AADACL3: variants seen among roughly 807,000 people sequenced by gnomAD.
AADACL3 encodes arylacetamide deacetylase-like 3.
AADACL3 carries 13 observed loss-of-function variants against 13.6 expected under a neutral mutation model. The ratio of observed to expected loss-of-function variants is 0.95; its 90% CI spans 0.62 to 1.52. AADACL3 has a LOEUF of 1.52. AADACL3 is among the 40% of genes most tolerant of loss of function. AADACL3 has a pLI of 0.00. For missense variants in AADACL3, 519 were observed against 499.2 expected, an observed-to-expected ratio of 1.04 and a Z score of -0.38; for synonymous variants, 195 against 197.0, an observed-to-expected ratio of 0.99 and a Z score of 0.08.
rs1223866588 is a variant in AADACL3, at chr1:12,725,373, G to A, written c.601G>A (p.Val201Met). ...GDSFGGAIAA[V>M]VCQQLVDRPD... ...CAGTTTCGGAGGGGCAATAGCCGCA[G>A]TGGTTTGTCAACAACTTGTGGACAG... Residue 201 changes from valine to methionine, a missense_variant, in exon 4 of 4, where the codon GTG becomes ATG. Coordinates refer to ENST00000359318, the MANE Select transcript of AADACL3 (RefSeq NM_001103170.3). 2 of 1,614,164 alleles carry A rather than the reference G, an allele frequency of 1.2e-6. No homozygotes were observed. The highest frequency in any genetic ancestry group is 1.7e-6 in the Non-Finnish European group (2 of 1,180,030).
intron 3 of AADACL3, among the ~76,000 whole-genome samples, chr1:12,722,465 T>C (rs1407191499): frequency 6.6e-6 from 1 of 152,022 alleles, no homozygotes; most frequent in Non-Finnish European, 1.5e-5. Context: ...GCCGGACACC[T>C]TGTCATTCTG....
At position 12,726,096 on chromosome 1, in the gene AADACL3, A is replaced by G; in HGVS notation, c.*100A>G. 1 of 1,364,660 alleles carries G rather than the reference A, an allele frequency of 7.3e-7. No homozygotes were observed. The highest frequency in any genetic ancestry group is 9.9e-7 in the Non-Finnish European group (1 of 1,009,272). The allele number at this position is 1,364,660 out of a possible 1,614,324, so 84.5% of individuals were successfully genotyped here. On this transcript the variant is annotated 3_prime_UTR_variant, in exon 4 of 4. Transcript: ENST00000359318. ...GATTTAGGTGGTGCATAGTGGGGCT[A>G]GGGAGGGGGTAGAGGTTGCTGTCAC...
At chr1:12,721,120 C>T (rs370389830) in intron 3 of AADACL3, among the ~76,000 whole-genome samples, 174 bp downstream of exon 3, 15 of 152,100 alleles carry the variant, frequency 9.9e-5, no homozygotes, top group African/African-American at 3.1e-4. Flanking sequence ...AAAAAGAAGG[C>T]GGCTGGGTGT....
chr1:12,724,686 A>G (rs199647517), intron 3 of AADACL3, among the ~76,000 whole-genome samples: 1 of 151,946 alleles, frequency 6.6e-6, no homozygotes, highest in East Asian at 1.9e-4. Flanking sequence ...GGGTCTCACC[A>G]TGTTGCCCAG....
chr1:12,722,638 C>G (rs1304789393), intron 3 of AADACL3, among the ~76,000 whole-genome samples: 1 of 151,432 alleles, frequency 6.6e-6, no homozygotes, highest in Non-Finnish European at 1.5e-5. Flanking sequence ...ATGGAAACAG[C>G]TGATGGAAGT....
chr1:12,719,797 G>GAAC, intron 2 of AADACL3, 106 bp downstream of exon 2: 17 of 1,181,564 alleles, frequency 1.4e-5, no homozygotes, highest in Non-Finnish European at 2.1e-5. Context: ...TATTATCAGG[G>GAAC]AACACCAGGG....
rs1308856013 is a variant in AADACL3 at position 12,726,295 on chromosome 1, T to A, written c.*299T>A. On this transcript the variant is annotated 3_prime_UTR_variant, in exon 4 of 4. Transcript: ENST00000359318. Reference sequence around the variant, plus strand: ...GGAGTGAATCAGCCGGTAAGAGCTGTTCTCAGCCTCCCTAAGGGGCAGTTC... The same window carrying A: ...GGAGTGAATCAGCCGGTAAGAGCTGATCTCAGCCTCCCTAAGGGGCAGTTC... The A allele has an allele frequency of 2.5e-6, 1 of 398,528 alleles. No homozygotes were observed. Among genetic ancestry groups the A allele is most frequent in the African/African-American group, 2.0e-5 (1 of 49,566 alleles). The allele number at this position is 398,528 out of a possible 1,614,324, so 24.7% of individuals were successfully genotyped here.
chr1:12,720,785 G>A lies in AADACL3; in HGVS notation c.386-98G>A, dbSNP rs549849868. On this transcript the variant is annotated intron_variant, in intron 2 of 3. Coordinates refer to ENST00000359318, the MANE Select transcript of AADACL3 (RefSeq NM_001103170.3). ...TGCTGGAGTAGAGGAAAACCTAGTC[G>A]GCATCGGCCCAAGTGCTGTGTCTGT... The A allele has an allele frequency of 1.0e-4, 104 of 1,006,410 alleles. No homozygotes were observed. In the African/African-American group the frequency reaches 1.5e-3, roughly 15 times the overall value. The allele number at this position is 1,006,410 out of a possible 1,614,324, so 62.3% of individuals were successfully genotyped here.
rs1638369221 is a variant in AADACL3, at chr1:12,726,289, G to A, written c.*293G>A. On this transcript the variant is annotated 3_prime_UTR_variant, in exon 4 of 4. Coordinates refer to ENST00000359318, the MANE Select transcript of AADACL3 (RefSeq NM_001103170.3). Reference sequence around the variant, plus strand: ...TTTGTGGGAGTGAATCAGCCGGTAAGAGCTGTTCTCAGCCTCCCTAAGGGG... The same window carrying A: ...TTTGTGGGAGTGAATCAGCCGGTAAAAGCTGTTCTCAGCCTCCCTAAGGGG... 2 of 416,876 alleles carry A rather than the reference G, an allele frequency of 4.8e-6. No homozygotes were observed. Among genetic ancestry groups the A allele is most frequent in the Non-Finnish European group, 8.6e-6 (2 of 231,810 alleles). The allele number at this position is 416,876 out of a possible 1,614,324, so 25.8% of individuals were successfully genotyped here. A position where few individuals can be genotyped will look rare whatever the true frequency, so the allele number is the denominator to read the frequency against.
At position 12,720,221 on chromosome 1, in the gene AADACL3, C is replaced by T. The variant is rs115075294; in HGVS notation, c.385+530C>T. On this transcript the variant is annotated intron_variant, in intron 2 of 3. Coordinates refer to ENST00000359318, the MANE Select transcript of AADACL3 (RefSeq NM_001103170.3). ...AATTTTACTGTCTTAGTTATTACCC[C>T]CAGGGAATTAGGGGAGAGGAAACAC... Among the ~76,000 whole-genome samples the T allele has an allele frequency of 6.7e-3, 1,018 of 152,124 alleles. 11 individuals carry two copies. The highest frequency in any genetic ancestry group is 0.024 in the African/African-American group (980 of 41,486).
Position 12,726,054 on chromosome 1 carries a change from C to T in AADACL3, c.*58C>T, listed in dbSNP as rs759511919. Reference sequence around the variant, plus strand: ...GATTCCACTGGCATCCAGCCTCCCACAGGGCTCTCTGTTGCTGATTTAGGT... The same window carrying T: ...GATTCCACTGGCATCCAGCCTCCCATAGGGCTCTCTGTTGCTGATTTAGGT... On this transcript the variant is annotated 3_prime_UTR_variant, in exon 4 of 4. Coordinates refer to ENST00000359318, the MANE Select transcript of AADACL3 (RefSeq NM_001103170.3). 2 of 1,542,556 alleles carry T rather than the reference C, an allele frequency of 1.3e-6. No individual in the cohort carries two copies. The highest frequency in any genetic ancestry group is 1.8e-6 in the Non-Finnish European group (2 of 1,142,488).
chr1:12,718,876 A>G (rs900851908), intron 1 of AADACL3, among the ~76,000 whole-genome samples: 3 of 152,168 alleles, frequency 2.0e-5, no homozygotes, highest in African/African-American at 7.2e-5. Context: ...TGTCACCATC[A>G]CTGACTCCTG....
Position 12,727,240 on chromosome 1 carries a change from A to T in AADACL3, c.*1244A>T, listed in dbSNP as rs565657584. ...TGGAATAATCTAACTCACCATTCCC[A>T]AGTCCTATGCCATCCTGAGAGTGGG... On this transcript the variant is annotated 3_prime_UTR_variant, in exon 4 of 4. Coordinates refer to ENST00000359318, the MANE Select transcript of AADACL3 (RefSeq NM_001103170.3). 6.6e-6 allele frequency: 1 copy of T among 152,330 alleles called. No homozygotes were observed. The highest frequency in any genetic ancestry group is 2.4e-5 in the African/African-American group (1 of 41,570). 9.4% of individuals were successfully genotyped at this position (152,330 alleles called of 1,614,324 possible).
intron 3 of AADACL3, among the ~76,000 whole-genome samples, chr1:12,722,464 C>T (rs1414792292): frequency 2.0e-5 from 3 of 152,036 alleles, no homozygotes; most frequent in Non-Finnish European, 4.4e-5. Flanking sequence ...TGCCGGACAC[C>T]TTGTCATTCT....
Position 12,725,903 on chromosome 1 carries a change from T to A in AADACL3, c.1131T>A (p.His377Gln). The part of the protein sequence containing the change: ...VTWHHMEDGF[H>Q]GVLRTIDMSF... ...GGCACCATATGGAGGATGGTTTCCA[T>A]GGAGTGCTCAGGACCATTGACATGA... is the stretch of plus-strand genomic sequence containing the variant. The change falls in exon 4 of 4, where the codon CAT (histidine) becomes CAA (glutamine). Residue 377 changes from histidine (H) to glutamine (Q), a missense_variant. Coordinates refer to ENST00000359318, the MANE Select transcript of AADACL3 (RefSeq NM_001103170.3). 6.2e-7 allele frequency: 1 copy of A among 1,614,166 alleles called. No homozygotes were observed. Among genetic ancestry groups the A allele is most frequent in the East Asian group, 2.2e-5 (1 of 44,882 alleles).
At chr1:12,719,418 T>C (rs747553258) in intron 1 of AADACL3, 57 bp from the exon 2 acceptor site, 98 of 1,538,680 alleles carry the variant, frequency 6.4e-5, no homozygotes, top group Non-Finnish European at 7.5e-5. Context: ...AAGGCCAGAC[T>C]CCAGATGGCC....
chr1:12,716,491 A>G (rs1046218413), intron 1 of AADACL3, 147 bp downstream of exon 1: 8 of 1,177,888 alleles, frequency 6.8e-6, no homozygotes, highest in Middle Eastern at 1.9e-4. Flanking sequence ...AATGTGCATA[A>G]TCCCTATTAG....
chr1:12,716,127 G>T lies in AADACL3; in HGVS notation c.-50G>T. The T allele has an allele frequency of 1.6e-6, 1 of 643,298 alleles. No individual in the cohort carries two copies. The highest frequency in any genetic ancestry group is 2.8e-6 in the Non-Finnish European group (1 of 355,310). 39.8% of individuals were successfully genotyped at this position (643,298 alleles called of 1,614,324 possible). On this transcript the variant is annotated 5_prime_UTR_variant, in exon 1 of 4. Transcript: ENST00000359318. ...CTGGCTCTGAACCATGTCCTAAATG[G>T]TTTACACTGCGCACAGCTTCCTCTC... is the stretch of plus-strand genomic sequence containing the variant.
Position 12,725,279 on chromosome 1 carries a change from C to T in AADACL3, c.507C>T (p.Ala169=), listed in dbSNP as rs1382723852. 6.2e-7 allele frequency: 1 copy of T among 1,613,618 alleles called. No individual in the cohort carries two copies. Among genetic ancestry groups the T allele is most frequent in the Non-Finnish European group, 8.5e-7 (1 of 1,179,876 alleles). Residue 169 remains alanine (A), a synonymous_variant, in exon 4 of 4, where the codon GCC becomes GCT. Transcript: ENST00000359318. ...FPVPVRDCLV[A]TIHFLKSLDA... is the part of the protein sequence containing the mutation. Reference sequence around the variant, plus strand: ...TGCCAGTAAGAGACTGCTTGGTGGCCACCATCCACTTCCTGAAGTCCCTGG... The same window carrying T: ...TGCCAGTAAGAGACTGCTTGGTGGCTACCATCCACTTCCTGAAGTCCCTGG...
Sources: gnomAD v4.1 joint callset for allele counts (sites outside exome capture counted in the v4.1 genomes callset) on GRCh38, gnomAD v4.1.1 for gene constraint, MANE v1.5 for transcripts, NCBI Gene and HGNC (gene_info 2026-07-23, HGNC 2026-07-21) for gene names.